KLHL20: variants seen among roughly 807,000 people sequenced by gnomAD.
KLHL20 encodes the protein kelch like family member 20, also known as kelch-like protein 20.
KLHL20 carries 29 observed loss-of-function variants against 69.5 expected under a neutral mutation model. The ratio of observed to expected loss-of-function variants is 0.42; its 90% CI spans 0.31 to 0.57. The LOEUF (loss-of-function observed/expected upper bound fraction) is 0.57, where lower values mean the gene tolerates loss of function less well. Among genes scored for constraint, KLHL20 ranks in the 20% least tolerant of loss-of-function variants. The pLI, the probability that KLHL20 is intolerant of heterozygous loss-of-function variation, is 0.18. For synonymous variants in KLHL20, 253 were observed against 265.2 expected, an observed-to-expected ratio of 0.95 and a Z score of 0.45; for missense variants, 419 against 776.0, an observed-to-expected ratio of 0.54 and a Z score of 5.47.
At position 173,716,080 on chromosome 1, in the gene KLHL20, A is replaced by G. The variant is rs769950520; in HGVS notation, c.23+14A>G. 5.6e-6 allele frequency: 9 copies of G among 1,613,090 alleles called. No homozygotes were observed. The highest frequency in any genetic ancestry group is 4.4e-5 in the South Asian group (4 of 90,892). On this transcript the variant is annotated intron_variant, in intron 2 of 11. Transcript: ENST00000209884. ...GCCAATGCGCAGGTAGGCATTTAGGAAGAAAACCTTTGGTTTCACTGATTA... is the reference window on the plus strand; with the variant it reads ...GCCAATGCGCAGGTAGGCATTTAGGGAGAAAACCTTTGGTTTCACTGATTA...
chr1:173,727,357 C>T (rs1302774586), intron 2 of KLHL20, among the ~76,000 whole-genome samples: 2 of 152,158 alleles, frequency 1.3e-5, no homozygotes, highest in South Asian at 2.1e-4. Flanking sequence ...CTTCCCCAAT[C>T]GAGCAAGGCA....
intron 10 of KLHL20, among the ~76,000 whole-genome samples, chr1:173,780,550 A>G (rs1648794204): frequency 6.6e-6 from 1 of 152,028 alleles, no homozygotes. Flanking sequence ...AAAGGCAGAG[A>G]CAGGATTACT....
chr1:173,767,473 C>T (rs913158586), intron 8 of KLHL20, among the ~76,000 whole-genome samples: 9 of 152,104 alleles, frequency 5.9e-5, no homozygotes, highest in East Asian at 3.9e-4. Flanking sequence ...TACTGTTTTC[C>T]GTAATGGCTA....
At chr1:173,744,887 C>T (rs1672983519) in intron 3 of KLHL20, among the ~76,000 whole-genome samples, 1 of 152,044 alleles carries the variant, frequency 6.6e-6, no homozygotes, top group South Asian at 2.1e-4. Context: ...ACTAGTAAAC[C>T]CCTCCCCATC....
At chr1:173,758,992 C>T (rs1009964472) in intron 7 of KLHL20, among the ~76,000 whole-genome samples, 1 of 152,138 alleles carries the variant, frequency 6.6e-6, no homozygotes, top group African/African-American at 2.4e-5. Flanking sequence ...CTGCTGCCCG[C>T]CTGTGGCCTG....
At chr1:173,753,328 G>C (rs191015774) in intron 5 of KLHL20, 21 bp downstream of exon 5, 2 of 1,557,922 alleles carry the variant, frequency 1.3e-6, no homozygotes, top group Non-Finnish European at 1.8e-6. Flanking sequence ...CCCTGGATGG[G>C]AAAAATCAAC....
chr1:173,719,965 C>G (rs1671641050), intron 2 of KLHL20, among the ~76,000 whole-genome samples: 1 of 151,890 alleles, frequency 6.6e-6, no homozygotes, highest in South Asian at 2.1e-4. Flanking sequence ...TATAATGATA[C>G]AGTATTGGCG....
At chr1:173,741,906 T>A (rs1558195241) in intron 3 of KLHL20, 3 of 1,365,288 alleles carry the variant, frequency 2.2e-6, no homozygotes, top group Non-Finnish European at 3.1e-6. Context: ...AAGAAGGATG[T>A]TCCTTCAGAT....
chr1:173,731,194 A>G (rs1319318075), intron 2 of KLHL20, among the ~76,000 whole-genome samples: 8 of 152,148 alleles, frequency 5.3e-5, no homozygotes, highest in East Asian at 1.9e-4. Context: ...TTAGAATGGC[A>G]ATCATTAAAA....
chr1:173,767,284 A>G (rs1208001923), intron 8 of KLHL20, among the ~76,000 whole-genome samples: 2 of 152,116 alleles, frequency 1.3e-5, no homozygotes, highest in East Asian at 1.9e-4. Flanking sequence ...TTCTGTATCC[A>G]TTCATCTGTT....
intron 3 of KLHL20, among the ~76,000 whole-genome samples, chr1:173,751,223 GTAAAGA>G (rs1189314465): frequency 3.3e-5 from 5 of 152,244 alleles, no homozygotes; most frequent in Admixed American, 2.0e-4. Flanking sequence ...CTAGCCTTGG[GTAAAGA>G]TAAATTATTG....
intron 2 of KLHL20, among the ~76,000 whole-genome samples, chr1:173,725,348 G>A (rs148193831): frequency 1.4e-4 from 21 of 152,264 alleles, no homozygotes; most frequent in East Asian, 9.6e-4. Flanking sequence ...AGTAAGTCAC[G>A]TAACCAAACT....
intron 3 of KLHL20, among the ~76,000 whole-genome samples, chr1:173,749,257 A>C (rs540390917): frequency 6.6e-6 from 1 of 152,194 alleles, no homozygotes; most frequent in African/African-American, 2.4e-5. Context: ...AAACTCAACA[A>C]TTAAGTTCAC....
At chr1:173,729,588 TAATC>T (rs1045153076) in intron 2 of KLHL20, among the ~76,000 whole-genome samples, 1 of 152,136 alleles carries the variant, frequency 6.6e-6, no homozygotes, top group African/African-American at 2.4e-5. Flanking sequence ...TCAATAAACA[TAATC>T]AGTTACATAA....
chr1:173,739,760 T>C (rs1672710374), intron 3 of KLHL20, among the ~76,000 whole-genome samples: 1 of 151,128 alleles, frequency 6.6e-6, no homozygotes, highest in South Asian at 2.1e-4. Flanking sequence ...CAAGCAATTG[T>C]TCTGCCTCAG....
chr1:173,780,819 T>G (rs1397195702), intron 10 of KLHL20, among the ~76,000 whole-genome samples: 1 of 151,826 alleles, frequency 6.6e-6, no homozygotes, highest in East Asian at 1.9e-4. Context: ...AACCTCCACC[T>G]CCCGGGCTCA....
chr1:173,775,008 G>A (rs997062036), intron 9 of KLHL20, among the ~76,000 whole-genome samples: 2 of 151,944 alleles, frequency 1.3e-5, no homozygotes, highest in African/African-American at 2.4e-5. Flanking sequence ...ATGGGGTTTC[G>A]CTGTGTTGCC....
intron 8 of KLHL20, among the ~76,000 whole-genome samples, chr1:173,769,680 C>T (rs1310166034): frequency 2.0e-5 from 3 of 150,022 alleles, no homozygotes; most frequent in African/African-American, 7.4e-5. Flanking sequence ...CCCAGTTACT[C>T]AGGAGGCTGA....
intron 2 of KLHL20, among the ~76,000 whole-genome samples, chr1:173,730,739 A>G (rs1672231056): frequency 6.6e-6 from 1 of 152,238 alleles, no homozygotes; most frequent in Admixed American, 6.5e-5. Context: ...TTAAAGACTT[A>G]AATATTTGAC....
Sources: allele counts gnomAD v4.1 joint callset (sites outside exome capture counted in the v4.1 genomes callset), GRCh38; gene constraint gnomAD v4.1.1; transcripts MANE v1.5; gene names NCBI Gene and HGNC (gene_info 2026-07-23, HGNC 2026-07-21).